Variants in DNAJC15 observed in about 807,000 individuals in gnomAD.
The protein encoded by DNAJC15 is dnaJ homolog subfamily C member 15.
A neutral mutation model predicts 22.4 loss-of-function variants in DNAJC15; 27 were observed. The ratio of observed to expected loss-of-function variants is 1.20; its 90% CI spans 0.89 to 1.66. DNAJC15 has a LOEUF of 1.66. DNAJC15 is among the 40% of genes most tolerant of loss of function. DNAJC15 has a pLI of 0.00. For missense variants in DNAJC15, 208 were observed against 187.1 expected (o/e 1.11, Z -0.65); for synonymous variants, 79 against 63.2 (o/e 1.25, Z -1.19).
chr13:43,023,689 GC>G lies in DNAJC15; in HGVS notation c.66del (p.Ser23ArgfsTer15). On this transcript the variant is annotated frameshift_variant, in exon 1 of 6. Coordinates refer to ENST00000379221, the MANE Select transcript of DNAJC15 (RefSeq NM_013238.3). LOFTEE classifies it high-confidence loss of function. ...ESLRYAEYLQPSAKRPDADVD... is the reference protein window; with the variant it reads ...ESLRYAEYLQXSAKRPDADVD... ...GTTTGCGCTACGCTGAGTACTTGCA[GC>G]CCTCGGCCAAACGGCCAGACGCCGA... 1 of 1,612,760 alleles carries G rather than the reference GC, an allele frequency of 6.2e-7. No homozygotes were observed. The highest frequency in any genetic ancestry group is 8.5e-7 in the Non-Finnish European group (1 of 1,179,542).
At chr13:43,091,286 C>T (rs2040713724) in intron 5 of DNAJC15, among the ~76,000 whole-genome samples, 1 of 152,126 alleles carries the variant, frequency 6.6e-6, no homozygotes, top group African/African-American at 2.4e-5. Flanking sequence ...TGGTGTTTCA[C>T]CATGTTGGCC....
chr13:43,076,407 A>AT (rs568496242), intron 3 of DNAJC15, among the ~76,000 whole-genome samples: 1 of 152,168 alleles, frequency 6.6e-6, no homozygotes, highest in Non-Finnish European at 1.5e-5. Context: ...CCTAGAACCC[A>AT]TTTTTTAAGC....
intron 1 of DNAJC15, among the ~76,000 whole-genome samples, chr13:43,043,413 A>C (rs1304251726): frequency 6.6e-6 from 1 of 152,144 alleles, no homozygotes; most frequent in East Asian, 1.9e-4. Context: ...CTGACCTCAA[A>C]AGCTTCTTAT....
At chr13:43,027,992 T>TG (rs2040388231) in intron 1 of DNAJC15, among the ~76,000 whole-genome samples, 1 of 152,180 alleles carries the variant, frequency 6.6e-6, no homozygotes, top group African/African-American at 2.4e-5. Flanking sequence ...TACACCATAA[T>TG]GGGAGGCTAG....
intron 1 of DNAJC15, among the ~76,000 whole-genome samples, chr13:43,048,044 C>T (rs2040485624): frequency 6.6e-6 from 1 of 152,204 alleles, no homozygotes; most frequent in South Asian, 2.1e-4. Context: ...AATTTGCCAT[C>T]TGTTGCTTTC....
intron 1 of DNAJC15, among the ~76,000 whole-genome samples, chr13:43,051,258 G>A (rs1393809782): frequency 3.3e-5 from 5 of 152,300 alleles, no homozygotes; most frequent in African/African-American, 7.2e-5. Flanking sequence ...GATTACAGGC[G>A]TGAGCCACTG....
intron 4 of DNAJC15, among the ~76,000 whole-genome samples, chr13:43,082,135 G>A (rs1319244474): frequency 1.3e-5 from 2 of 151,822 alleles, no homozygotes; most frequent in Non-Finnish European, 2.9e-5. Context: ...TTTGGGTGGA[G>A]ACAGAGCCAA....
chr13:43,066,926 A>G (rs1346908843), intron 2 of DNAJC15, among the ~76,000 whole-genome samples: 2 of 152,190 alleles, frequency 1.3e-5, no homozygotes, highest in African/African-American at 4.8e-5. Flanking sequence ...GCCCATTCGA[A>G]AGAATAGTTC....
chr13:43,083,195 T>G (rs1255158369), intron 4 of DNAJC15, among the ~76,000 whole-genome samples: 1 of 151,684 alleles, frequency 6.6e-6, no homozygotes, highest in Non-Finnish European at 1.5e-5. Flanking sequence ...TGAGACGGAG[T>G]CTTGCTCTGT....
chr13:43,048,325 C>CAAAAAA lies in DNAJC15; in HGVS notation c.109-17349_109-17344dup, dbSNP rs766125510. Among the ~76,000 whole-genome samples, 632 of 130,328 alleles carry CAAAAAA rather than the reference C, an allele frequency of 4.8e-3. 2 individuals carry two copies. The highest frequency in any genetic ancestry group is 9.0e-3 in the Non-Finnish European group (543 of 60,004). 85.5% of individuals were successfully genotyped at this position (130,328 alleles called of 152,430 possible). On this transcript the variant is annotated intron_variant, in intron 1 of 5. Coordinates refer to ENST00000379221, the MANE Select transcript of DNAJC15 (RefSeq NM_013238.3). ...AGAAACCTCGTCTCTACTAAAAATACAAAAAAAAAAAAAAAAATTACCCGG... is the reference window on the plus strand; with the variant it reads ...AGAAACCTCGTCTCTACTAAAAATACAAAAAAAAAAAAAAAAAAAAAAATTACCCGG...
chr13:43,065,916 A>C (rs1428907546), intron 2 of DNAJC15, among the ~76,000 whole-genome samples, 179 bp downstream of exon 2: 2 of 152,214 alleles, frequency 1.3e-5, no homozygotes, highest in Non-Finnish European at 2.9e-5. Context: ...ATCTAGATAA[A>C]CTTTATAGGG....
At chr13:43,035,310 T>G (rs2040424231) in intron 1 of DNAJC15, among the ~76,000 whole-genome samples, 1 of 152,204 alleles carries the variant, frequency 6.6e-6, no homozygotes, top group Non-Finnish European at 1.5e-5. Context: ...ATTTCAAGTT[T>G]GTTATAGAAT....
At chr13:43,084,854 G>T (rs2040679725) in intron 4 of DNAJC15, among the ~76,000 whole-genome samples, 1 of 152,096 alleles carries the variant, frequency 6.6e-6, no homozygotes, top group Non-Finnish European at 1.5e-5. Context: ...AAATAACTAT[G>T]AGACATAAAG....
At chr13:43,078,196 T>C (rs933183976) in intron 3 of DNAJC15, among the ~76,000 whole-genome samples, 1 of 152,168 alleles carries the variant, frequency 6.6e-6, no homozygotes, top group African/African-American at 2.4e-5. Flanking sequence ...TAGTGTGACA[T>C]ACTCCCCTCT....
At chr13:43,066,631 T>C (rs1315730029) in intron 2 of DNAJC15, among the ~76,000 whole-genome samples, 1 of 152,090 alleles carries the variant, frequency 6.6e-6, no homozygotes, top group Non-Finnish European at 1.5e-5. Flanking sequence ...CAATGCTAGT[T>C]TTTCTTTTTT....
chr13:43,085,674 CAT>C, intron 4 of DNAJC15, 92 bp from the exon 5 acceptor site: 1 of 915,986 alleles, frequency 1.1e-6, no homozygotes, highest in South Asian at 1.7e-5. Flanking sequence ...GTGAAATTCT[CAT>C]TAGGTATAAT....
At chr13:43,046,506 C>T (rs1011066791) in intron 1 of DNAJC15, among the ~76,000 whole-genome samples, 41 of 151,620 alleles carry the variant, frequency 2.7e-4, no homozygotes, top group African/African-American at 7.7e-4. Context: ...ACTCAGCTCA[C>T]GCCCAACCAA....
chr13:43,072,855 C>T (rs746345010), intron 3 of DNAJC15, among the ~76,000 whole-genome samples: 11 of 152,184 alleles, frequency 7.2e-5, no homozygotes, highest in Non-Finnish European at 1.3e-4. Flanking sequence ...TGAGCCACTG[C>T]GCCCGGCCAA....
intron 5 of DNAJC15, among the ~76,000 whole-genome samples, chr13:43,088,837 TG>T (rs1166175124): frequency 5.2e-5 from 4 of 77,550 alleles, no homozygotes; most frequent in African/African-American, 6.9e-5. Flanking sequence ...CTAATTAACT[TG>T]GTTTTTTTTT....
Sources: allele counts gnomAD v4.1 joint callset (sites outside exome capture counted in the v4.1 genomes callset), GRCh38; gene constraint gnomAD v4.1.1; transcripts MANE v1.5; gene names NCBI Gene and HGNC (gene_info 2026-07-23, HGNC 2026-07-21).